Variants in LPCAT2 observed in about 807,000 individuals in gnomAD.
The protein encoded by LPCAT2 is lysophosphatidylcholine acyltransferase 2.
In LPCAT2, 58 loss-of-function variants were observed where a neutral mutation model predicts 64.7. That is an observed-to-expected ratio of 0.90 (90% CI 0.73 to 1.12). LPCAT2 has a LOEUF of 1.12. Ranked by LOEUF, LPCAT2 falls within the 50% of genes most tolerant of loss-of-function variation. The probability of loss-of-function intolerance (pLI) is 0.00; values close to 1 mark genes in which losing one functional copy is unlikely to be tolerated. For synonymous variants in LPCAT2, 252 were observed against 245.3 expected (o/e 1.03, Z -0.26); for missense variants, 579 against 669.8 (o/e 0.86, Z 1.50).
chr16:55,551,229 A>C (rs1963514041), intron 11 of LPCAT2, 127 bp downstream of exon 11: 2 of 756,582 alleles, frequency 2.6e-6, no homozygotes, highest in Non-Finnish European at 3.8e-6. Context: ...CCTATGGTTT[A>C]ATTGCATGAT....
intron 1 of LPCAT2, among the ~76,000 whole-genome samples, chr16:55,511,616 A>G (rs1962933250): frequency 2.0e-5 from 3 of 152,212 alleles, no homozygotes; most frequent in African/African-American, 7.2e-5. Context: ...AGGCCACCCA[A>G]TGGAGATGAC....
Position 55,566,940 on chromosome 16 carries a change from C to T in LPCAT2, c.1216-7691C>T, listed in dbSNP as rs371505336. 5 of 1,613,658 alleles carry T rather than the reference C, an allele frequency of 3.1e-6. No homozygotes were observed. In the African/African-American group the frequency reaches 4.0e-5, roughly 13 times the overall value. On this transcript the variant is annotated intron_variant, in intron 11 of 13. Coordinates refer to ENST00000262134, the MANE Select transcript of LPCAT2 (RefSeq NM_017839.5). ...AGCTCAGTATACTCCAGAACCGCCT[C>T]CCACTCAGCAGCATTTCACCAGTGT...
At chr16:55,542,449 T>C (rs1438011284) in intron 8 of LPCAT2, among the ~76,000 whole-genome samples, 1 of 152,056 alleles carries the variant, frequency 6.6e-6, no homozygotes, top group African/African-American at 2.4e-5. Context: ...AAGTACCATT[T>C]GTACCTCACA....
intron 1 of LPCAT2, among the ~76,000 whole-genome samples, chr16:55,519,776 G>A (rs1429531011): frequency 6.6e-6 from 1 of 152,106 alleles, no homozygotes; most frequent in African/African-American, 2.4e-5. Flanking sequence ...GTGGTGGATG[G>A]GATGGAATTG....
At chr16:55,530,035 A>G in intron 4 of LPCAT2, 88 bp downstream of exon 4, 1 of 887,910 alleles carries the variant, frequency 1.1e-6, no homozygotes, top group Non-Finnish European at 1.7e-6. Flanking sequence ...CACAGATAGC[A>G]ATATCTGTGG....
intron 1 of LPCAT2, among the ~76,000 whole-genome samples, chr16:55,509,960 A>G (rs1403220441): frequency 6.9e-6 from 1 of 144,470 alleles, no homozygotes; most frequent in Admixed American, 7.0e-5. Context: ...TGGGAGGCAG[A>G]TCTACTACGG....
intron 12 of LPCAT2, among the ~76,000 whole-genome samples, chr16:55,576,493 G>A (rs562552946): frequency 6.6e-6 from 1 of 151,606 alleles, no homozygotes; most frequent in African/African-American, 2.4e-5. Context: ...TAAGGCCAGG[G>A]AGTAGACTCA....
chr16:55,518,722 CAT>C (rs557266759), intron 1 of LPCAT2, among the ~76,000 whole-genome samples: 72 of 152,280 alleles, frequency 4.7e-4, no homozygotes, highest in African/African-American at 1.7e-3. Flanking sequence ...ATTGGATTGA[CAT>C]GTGCAGGAGA....
At chr16:55,567,935 G>A (rs180869106) in intron 11 of LPCAT2, among the ~76,000 whole-genome samples, 1 of 152,244 alleles carries the variant, frequency 6.6e-6, no homozygotes, top group African/African-American at 2.4e-5. Flanking sequence ...TTAAAAAGTT[G>A]AGGAGAGAGG....
rs1250687170 is a variant in LPCAT2, at chr16:55,533,518, C to A, written c.762+636C>A. On this transcript the variant is annotated intron_variant, in intron 6 of 13. Transcript: ENST00000262134. ...CTCCGCTTCCTGGGTTCAAGTGATTCTCTCCTTTCTCAGCCTCCCGAGTAG... is the reference window on the plus strand; with the variant it reads ...CTCCGCTTCCTGGGTTCAAGTGATTATCTCCTTTCTCAGCCTCCCGAGTAG... 2.1e-5 allele frequency among the ~76,000 whole-genome samples: 3 copies of A among 139,808 alleles called. No homozygotes were observed. The South Asian group carries it at 7.1e-4, about 33-fold the overall frequency. 91.7% of individuals were successfully genotyped at this position (139,808 alleles called of 152,430 possible). A position where few individuals can be genotyped will look rare whatever the true frequency, so the allele number is the denominator to read the frequency against.
At chr16:55,522,911 A>G (rs1382334764) in intron 1 of LPCAT2, among the ~76,000 whole-genome samples, 1 of 151,652 alleles carries the variant, frequency 6.6e-6, no homozygotes, top group East Asian at 1.9e-4. Flanking sequence ...AGATTTTTTC[A>G]GAAGGACACA....
At chr16:55,538,268 AT>A (rs1335619287) in intron 8 of LPCAT2, 1 of 152,184 alleles carries the variant, frequency 6.6e-6, no homozygotes, top group Non-Finnish European at 1.5e-5. Context: ...AGAACCCTGA[AT>A]TCAGCATCCA....
At chr16:55,554,203 G>A (rs1186432892) in intron 11 of LPCAT2, among the ~76,000 whole-genome samples, 1 of 152,104 alleles carries the variant, frequency 6.6e-6, no homozygotes, top group African/African-American at 2.4e-5. Flanking sequence ...CTAACAAAAG[G>A]ATCAGCCTGT....
chr16:55,552,671 A>T (rs1239021245), intron 11 of LPCAT2, among the ~76,000 whole-genome samples: 1 of 152,212 alleles, frequency 6.6e-6, no homozygotes, highest in Non-Finnish European at 1.5e-5. Context: ...TTTATAATAT[A>T]CAGTAGTCTA....
intron 5 of LPCAT2, 60 bp from the exon 6 acceptor site, chr16:55,532,764 C>A: frequency 8.8e-7 from 1 of 1,130,868 alleles, no homozygotes; most frequent in Non-Finnish European, 1.3e-6. Context: ...TTAATTTTCT[C>A]TTTATCATAA....
chr16:55,537,547 A>G lies in LPCAT2; in HGVS notation c.798-31A>G, dbSNP rs745539033. 5 of 1,570,770 alleles carry G rather than the reference A, an allele frequency of 3.2e-6. No individual in the cohort carries two copies. In the South Asian group the frequency reaches 3.4e-5, roughly 11 times the overall value. ...TATAAGATGATACTTGCATGACTGT[A>G]TAAAGATAGACTTTTCTTTTTTCTC... is the stretch of plus-strand genomic sequence containing the variant. On this transcript the variant is annotated intron_variant, in intron 7 of 13. Transcript: ENST00000262134.
intron 1 of LPCAT2, among the ~76,000 whole-genome samples, chr16:55,521,629 GTA>G (rs1440123677): frequency 6.6e-6 from 1 of 151,794 alleles, no homozygotes; most frequent in African/African-American, 2.4e-5. Flanking sequence ...ATGATACTGT[GTA>G]TATCACTTCT....
In LPCAT2 at chr16:55,528,462, G is replaced by T; in HGVS notation, c.397G>T (p.Ala133Ser). Residue 133 changes from alanine (A) to serine (S), a missense_variant, in exon 3 of 14, where the codon GCA (alanine) becomes TCA (serine). Ala to Ser is a moderately conservative substitution (Grantham distance 99, BLOSUM62 1). Coordinates refer to ENST00000262134, the MANE Select transcript of LPCAT2 (RefSeq NM_017839.5). ...GFIVAVKGKI[A>S]SPLEAPVFVA... Reference sequence around the variant, plus strand: ...TATAGTTGCTGTAAAAGGAAAGATTGCAAGTCCTTTGGAAGCACCAGTTTT... The same window carrying T: ...TATAGTTGCTGTAAAAGGAAAGATTTCAAGTCCTTTGGAAGCACCAGTTTT... The T allele has an allele frequency of 1.2e-6, 2 of 1,614,016 alleles. No homozygotes were observed. The highest frequency in any genetic ancestry group is 1.7e-6 in the Non-Finnish European group (2 of 1,179,940).
intron 11 of LPCAT2, among the ~76,000 whole-genome samples, chr16:55,573,125 G>A (rs570046910): frequency 2.0e-5 from 3 of 152,082 alleles, no homozygotes; most frequent in Admixed American, 6.6e-5. Context: ...TTTAGTTTCC[G>A]CCCTGCAGTA....
Sources: gnomAD v4.1 joint callset for allele counts (sites outside exome capture counted in the v4.1 genomes callset) on GRCh38, gnomAD v4.1.1 for gene constraint, MANE v1.5 for transcripts, NCBI Gene and HGNC (gene_info 2026-07-23, HGNC 2026-07-21) for gene names.